The following USP40 variants were observed in gnomAD, a reference collection of about 807,000 sequenced individuals.
USP40 encodes ubiquitin carboxyl-terminal hydrolase 40.
Under a neutral mutation model 166.2 loss-of-function variants are expected in USP40, and 143 were observed. The ratio of observed to expected loss-of-function variants is 0.86; its 90% CI spans 0.75 to 0.99. The LOEUF (loss-of-function observed/expected upper bound fraction) is 0.99. Among genes scored for constraint, USP40 ranks in the 50% least tolerant of loss-of-function variants. The probability of loss-of-function intolerance (pLI) is 0.00; values close to 1 mark genes in which losing one functional copy is unlikely to be tolerated. For missense variants in USP40, 1,444 were observed against 1,479.7 expected, an observed-to-expected ratio of 0.98 and a Z score of 0.40; for synonymous variants, 498 against 524.0, an observed-to-expected ratio of 0.95 and a Z score of 0.68.
At chr2:233,519,462 C>A in intron 18 of USP40, 152 bp downstream of exon 18, 1 of 559,900 alleles carries the variant, frequency 1.8e-6, no homozygotes, top group Non-Finnish European at 3.3e-6. Context: ...CAAACAAAAA[C>A]AAACATATGA....
intron 21 of USP40, among the ~76,000 whole-genome samples, chr2:233,507,619 A>T (rs1483470804): frequency 7.5e-6 from 1 of 134,106 alleles, no homozygotes; most frequent in African/African-American, 3.1e-5. Flanking sequence ...GTGGAATCTT[A>T]AAAAAAAAAA....
At chr2:233,483,551 A>AT (rs759727707) in intron 30 of USP40, among the ~76,000 whole-genome samples, 8 of 152,200 alleles carry the variant, frequency 5.3e-5, no homozygotes, top group African/African-American at 1.9e-4. Flanking sequence ...TCTTCTAAAG[A>AT]TTGAAAATGA....
intron 31 of USP40, 68 bp from the exon 32 acceptor site, chr2:233,477,571 G>A: frequency 7.4e-7 from 1 of 1,358,834 alleles, no homozygotes; most frequent in East Asian, 2.3e-5. Context: ...GGTTCACGAA[G>A]ACCCCAAAAT....
chr2:233,485,945 C>G lies in USP40; in HGVS notation c.3230G>C (p.Arg1077Pro). Residue 1077 changes from arginine to proline, a missense_variant, in exon 29 of 32, where the codon CGC becomes CCC. Arg to Pro is a moderately radical substitution (Grantham distance 103). Coordinates refer to ENST00000678225, the MANE Select transcript of USP40 (RefSeq NM_001365479.2). ...GGCATAGGTCCTCTCACCAGGGATG[C>G]GCACCTGTGTCCTCAGCAGCACGTC... ...PQDVLLRTQVRIPGERTYAPA... is the reference protein window; with the variant it reads ...PQDVLLRTQVPIPGERTYAPA... 6.3e-7 allele frequency: 1 copy of G among 1,592,284 alleles called. No individual in the cohort carries two copies. The highest frequency in any genetic ancestry group is 8.5e-7 in the Non-Finnish European group (1 of 1,170,806).
chr2:233,520,101 G>A (rs147893876), intron 17 of USP40, among the ~76,000 whole-genome samples: 9 of 152,196 alleles, frequency 5.9e-5, no homozygotes, highest in African/African-American at 1.7e-4. Context: ...CTATCAGCCC[G>A]AGTGCACTAT....
chr2:233,562,638 C>T (rs973450965), intron 3 of USP40, 98 bp downstream of exon 3: 20 of 828,476 alleles, frequency 2.4e-5, no homozygotes, highest in African/African-American at 1.4e-4. Context: ...GTGGGTGCAG[C>T]GCACCAGCAT....
intron 21 of USP40, among the ~76,000 whole-genome samples, chr2:233,503,526 A>T (rs569946930): frequency 6.6e-6 from 1 of 152,324 alleles, no homozygotes; most frequent in South Asian, 2.1e-4. Context: ...TGAAAGCTAC[A>T]AGATAAAAGC....
At chr2:233,500,007 G>T in intron 21 of USP40, 92 bp from the exon 22 acceptor site, 4 of 1,014,862 alleles carry the variant, frequency 3.9e-6, no homozygotes, top group South Asian at 1.6e-5. Flanking sequence ...GCCTATTTAA[G>T]TCTGACTATA....
At chr2:233,506,294 A>G (rs1012515724) in intron 21 of USP40, among the ~76,000 whole-genome samples, 2 of 152,236 alleles carry the variant, frequency 1.3e-5, no homozygotes, top group African/African-American at 4.8e-5. Context: ...TTGGATCTCC[A>G]CATGCAGAAT....
In USP40 at chr2:233,485,774, G is replaced by C. The variant is rs1034189895; in HGVS notation, c.3401C>G (p.Ser1134Cys). 1.9e-6 allele frequency: 3 copies of C among 1,613,084 alleles called. No homozygotes were observed. The African/African-American group carries it at 4.0e-5, about 22-fold the overall frequency. The change falls in exon 29 of 32, where the codon TCT becomes TGT. Residue 1134 changes from serine (S) to cysteine (C), a missense_variant. Physicochemically the swap from Ser to Cys is moderately radical, Grantham distance 112. Transcript: ENST00000678225. The stretch of plus-strand genomic sequence containing the variant: ...ACAGCCCCACAACTTTACCCAGCTA[G>C]ATATCGGAAGCCACTCGAACTTTTC... ...FPEKFEWLPI[S>C]SWNQQITKRK...
chr2:233,514,239 CA>C (rs2067025127), intron 18 of USP40, among the ~76,000 whole-genome samples: 1 of 152,052 alleles, frequency 6.6e-6, no homozygotes, highest in Non-Finnish European at 1.5e-5. Flanking sequence ...ATTAAAAACA[CA>C]AATAAAAGGG....
At position 233,557,052 on chromosome 2, in the gene USP40, G is replaced by A. The variant is rs185498712; in HGVS notation, c.382-33C>T. ...ACAGGTAACTTTTAGATGTAATTCC[G>A]GGCTTCAGATTTTTTAAAACATTAA... On this transcript the variant is annotated intron_variant, in intron 4 of 31. Transcript: ENST00000678225. 4.4e-5 allele frequency: 69 copies of A among 1,565,686 alleles called. No individual in the cohort carries two copies. In the South Asian group the frequency reaches 4.4e-4, roughly 10 times the overall value.
chr2:233,527,248 A>G (rs2068094155), intron 13 of USP40, among the ~76,000 whole-genome samples, 159 bp downstream of exon 13: 1 of 152,204 alleles, frequency 6.6e-6, no homozygotes, highest in African/African-American at 2.4e-5. Flanking sequence ...TAAAAGACTT[A>G]GGAGAGAAGA....
chr2:233,533,833 A>C (rs2068736601), intron 10 of USP40, 54 bp from the exon 11 acceptor site: 13 of 1,433,812 alleles, frequency 9.1e-6, no homozygotes, highest in Non-Finnish European at 1.2e-5. Context: ...CAAAAATTAG[A>C]TGTGATTAAA....
chr2:233,484,333 T>C lies in USP40; in HGVS notation c.3504+1198A>G, dbSNP rs183759649. Among the ~76,000 whole-genome samples, 689 of 152,342 alleles carry C rather than the reference T, an allele frequency of 4.5e-3. 6 individuals carry two copies. Among genetic ancestry groups the C allele is most frequent in the Non-Finnish European group, 7.7e-3 (526 of 68,024 alleles). On this transcript the variant is annotated intron_variant, in intron 30 of 31. Coordinates refer to ENST00000678225, the MANE Select transcript of USP40 (RefSeq NM_001365479.2). ...TTGTGAGGTTTGCCTTCCAAGAACA[T>C]GACGTGGCTCTAACAGAAGCTTTCT...
At chr2:233,494,513 A>C (rs1215161380) in intron 24 of USP40, among the ~76,000 whole-genome samples, 1 of 152,104 alleles carries the variant, frequency 6.6e-6, no homozygotes, top group African/African-American at 2.4e-5. Flanking sequence ...ATATGCAAGA[A>C]TATTCTTACA....
In USP40 at chr2:233,486,092, G is replaced by T. The variant is rs1461824330; in HGVS notation, c.3198-115C>A. Reference sequence around the variant, plus strand: ...AGCTTTTCTGGTTTTTATAAGGAGAGATTTTTCCCTAAATGCTGGATGCTA... The same window carrying T: ...AGCTTTTCTGGTTTTTATAAGGAGATATTTTTCCCTAAATGCTGGATGCTA... On this transcript the variant is annotated intron_variant, in intron 28 of 31. Transcript: ENST00000678225. The surrounding 1 kb of genome is among the most constrained non-coding windows in gnomAD (Gnocchi z 4.0). The T allele has an allele frequency of 1.7e-6, 2 of 1,161,376 alleles. No individual in the cohort carries two copies. Among genetic ancestry groups the T allele is most frequent in the Non-Finnish European group, 2.4e-6 (2 of 838,186 alleles). The allele number at this position is 1,161,376 out of a possible 1,614,324, so 71.9% of individuals were successfully genotyped here.
intron 8 of USP40, among the ~76,000 whole-genome samples, chr2:233,543,863 C>T (rs887331158): frequency 3.9e-5 from 6 of 152,218 alleles, no homozygotes; most frequent in African/African-American, 1.4e-4. Context: ...TTTTGATGCC[C>T]ATACAGGGCA....
rs774295697 is a variant in USP40 at position 233,533,607 on chromosome 2, TG to T, written c.1342del (p.His448ThrfsTer5). 1.5e-5 allele frequency: 24 copies of T among 1,613,712 alleles called. No individual in the cohort carries two copies. The highest frequency in any genetic ancestry group is 1.9e-5 in the Non-Finnish European group (22 of 1,179,828). ...TTTAGAATCATTTATATCAAACCAG[TG>T]GGGACAGGAGATGCTATTGTTTAAA... is the stretch of plus-strand genomic sequence containing the variant. Reference protein sequence around the residue: ...PGLNNSISCPHWFDINDSKVQ... With the variant: ...PGLNNSISCPXWFDINDSKVQ... On this transcript the variant is annotated frameshift_variant, in exon 11 of 32. Coordinates refer to ENST00000678225, the MANE Select transcript of USP40 (RefSeq NM_001365479.2). LOFTEE classifies it high-confidence loss of function.
Sources: allele counts gnomAD v4.1 joint callset (sites outside exome capture counted in the v4.1 genomes callset), GRCh38; gene constraint gnomAD v4.1.1; non-coding constraint Gnocchi (gnomAD v3.1); transcripts MANE v1.5; gene names NCBI Gene and HGNC (gene_info 2026-07-23, HGNC 2026-07-21).